The following SPTB variants were observed in gnomAD, a reference collection of about 807,000 sequenced individuals.
SPTB encodes the protein spectrin beta, erythrocytic.
A neutral mutation model predicts 256.2 loss-of-function variants in SPTB; 45 were observed. That is an observed-to-expected ratio of 0.18 (90% CI 0.14 to 0.23). The LOEUF (loss-of-function observed/expected upper bound fraction) is 0.23, where lower values mean the gene tolerates loss of function less well. SPTB is among the 10% of genes least tolerant of loss of function. The probability of loss-of-function intolerance (pLI) is 1.00; values close to 1 mark genes in which losing one functional copy is unlikely to be tolerated. For synonymous variants in SPTB, 1,231 were observed against 1,243.1 expected (o/e 0.99, Z 0.21); for missense variants, 2,715 against 3,040.4 (o/e 0.89, Z 2.52).
At chr14:64,811,366 C>T (rs117136588) in intron 2 of SPTB, among the ~76,000 whole-genome samples, 2,765 of 152,282 alleles carry the variant, frequency 0.018, 26 homozygotes, top group Non-Finnish European at 0.029. Flanking sequence ...CATGCACACA[C>T]GCACATGCAA....
At chr14:64,813,584 C>T (rs953555358) in intron 2 of SPTB, among the ~76,000 whole-genome samples, 2 of 152,182 alleles carry the variant, frequency 1.3e-5, no homozygotes, top group East Asian at 3.9e-4. Context: ...TGCAGTGGTG[C>T]GATCTTGGCT....
chr14:64,771,423 T>C (rs229594), intron 26 of SPTB, among the ~76,000 whole-genome samples: 46,839 of 152,138 alleles, frequency 0.31, 9,917 homozygotes, highest in African/African-American at 0.59. Context: ...CAGGCACTGT[T>C]CTAAACACTT....
chr14:64,775,603 G>C lies in SPTB; in HGVS notation c.4564-200C>G, dbSNP rs554270708. On this transcript the variant is annotated intron_variant, in intron 22 of 35. Transcript: ENST00000644917. The surrounding 1 kb of genome is among the most constrained non-coding windows in gnomAD (Gnocchi z 5.0). ...ATGTGCACCATTCTTGCACCCTCAG[G>C]TGGCCTGCTGAGATAAGCATGTGGA... 6.6e-6 allele frequency among the ~76,000 whole-genome samples: 1 copy of C among 152,352 alleles called. No homozygotes were observed. The highest frequency in any genetic ancestry group is 1.9e-4 in the East Asian group (1 of 5,188).
chr14:64,859,047 T>G (rs1594850464), intron 1 of SPTB, among the ~76,000 whole-genome samples: 1 of 151,942 alleles, frequency 6.6e-6, no homozygotes, highest in African/African-American at 2.4e-5. Context: ...GCACTTGAGG[T>G]CAGGAGTTCA....
At chr14:64,767,901 G>T in intron 29 of SPTB, 42 bp from the exon 30 acceptor site, 1 of 1,607,048 alleles carries the variant, frequency 6.2e-7, no homozygotes, top group Non-Finnish European at 8.5e-7. Context: ...CAAGGCCCAG[G>T]GCCTGTTAGC....
intron 20 of SPTB, among the ~76,000 whole-genome samples, chr14:64,780,655 T>C (rs8018785): frequency 0.34 from 51,609 of 151,728 alleles, 11,074 homozygotes; most frequent in African/African-American, 0.61. Context: ...TCAGGTGATC[T>C]GCCCACCTTG....
Position 64,767,949 on chromosome 14 carries a change from G to A in SPTB, c.6023-90C>T, listed in dbSNP as rs191579238. 27 of 1,481,226 alleles carry A rather than the reference G, an allele frequency of 1.8e-5. No homozygotes were observed. The East Asian group carries it at 5.8e-4, about 32-fold the overall frequency. The allele number at this position is 1,481,226 out of a possible 1,614,324, so 91.8% of individuals were successfully genotyped here. On this transcript the variant is annotated intron_variant, in intron 29 of 35. Coordinates refer to ENST00000644917, the MANE Select transcript of SPTB (RefSeq NM_001355436.2). ...ACTCCTGATTGGGGCCAGTGGTCAGGCAGGTGGCCTGAATAGGTGTCCCTA... is the reference window on the plus strand; with the variant it reads ...ACTCCTGATTGGGGCCAGTGGTCAGACAGGTGGCCTGAATAGGTGTCCCTA...
At position 64,805,031 on chromosome 14, in the gene SPTB, G is replaced by C; in HGVS notation, c.208C>G (p.Arg70Gly). Residue 70 changes from arginine to glycine, a missense_variant, in exon 3 of 36, where the codon CGA (arginine) becomes GGA (glycine). By Grantham distance (125) the Arg-to-Gly change is moderately radical. Transcript: ENST00000644917. ...AGATCGGTGATGCGGCAGGACACTC[G>C]AGCCAGGTGCGAGTTCACCCATTTC... Reference protein sequence around the residue: ...FTKWVNSHLARVSCRITDLYK... With the variant: ...FTKWVNSHLAGVSCRITDLYK... The C allele has an allele frequency of 6.2e-7, 1 of 1,613,626 alleles. No individual in the cohort carries two copies. Among genetic ancestry groups the C allele is most frequent in the South Asian group, 1.1e-5 (1 of 91,046 alleles).
chr14:64,870,533 CAATCTAA>C (rs1882468012), intron 1 of SPTB, among the ~76,000 whole-genome samples: 1 of 152,192 alleles, frequency 6.6e-6, no homozygotes, highest in Non-Finnish European at 1.5e-5. Flanking sequence ...TAAAAGTCTA[CAATCTAA>C]AAACAGGCAC....
At chr14:64,752,213 G>A (rs1448131110) in intron 33 of SPTB, 6 of 1,348,496 alleles carry the variant, frequency 4.4e-6, no homozygotes, top group African/African-American at 1.5e-5. Flanking sequence ...TCACTCACAC[G>A]TGGGAAGCAT....
chr14:64,795,314 CG>C lies in SPTB; in HGVS notation c.1644+22del. The C allele has an allele frequency of 6.2e-7, 1 of 1,601,044 alleles. No homozygotes were observed. On this transcript the variant is annotated intron_variant, in intron 12 of 35. Coordinates refer to ENST00000644917, the MANE Select transcript of SPTB (RefSeq NM_001355436.2). The surrounding 1 kb of genome is among the most constrained non-coding windows in gnomAD (Gnocchi z 6.5). The stretch of plus-strand genomic sequence containing the variant: ...CCAAGGTGAGCACTGCAGGGCATGG[CG>C]GGGGCGGCCCCCAGGGCCCACCTTG...
rs912132509 is a variant in SPTB, at chr14:64,774,601, C to T, written c.4843-74G>A. 109 of 1,547,740 alleles carry T rather than the reference C, an allele frequency of 7.0e-5. 1 individual carries two copies. In the South Asian group the frequency reaches 1.3e-3, roughly 18 times the overall value. Reference sequence around the variant, plus strand: ...CCTCCCTTGGCAAGTTGTGCCCCCACTCCTGGAGGTGCCCGAGGGAGGAGG... The same window carrying T: ...CCTCCCTTGGCAAGTTGTGCCCCCATTCCTGGAGGTGCCCGAGGGAGGAGG... On this transcript the variant is annotated intron_variant, in intron 23 of 35. Transcript: ENST00000644917.
intron 1 of SPTB, among the ~76,000 whole-genome samples, chr14:64,877,595 T>A (rs1392829591): frequency 6.6e-6 from 1 of 152,228 alleles, no homozygotes; most frequent in Admixed American, 6.5e-5. Flanking sequence ...GAGAAAACGC[T>A]GAGCATTCAT....
In SPTB at chr14:64,873,547, T is replaced by C. The variant is rs1882661287; in HGVS notation, c.-52+6245A>G. Among the ~76,000 whole-genome samples the C allele has an allele frequency of 2.0e-5, 3 of 152,238 alleles. No individual in the cohort carries two copies. Among genetic ancestry groups the C allele is most frequent in the South Asian group, 4.1e-4 (2 of 4,834 alleles). On this transcript the variant is annotated intron_variant, in intron 1 of 35. Coordinates refer to ENST00000644917, the MANE Select transcript of SPTB (RefSeq NM_001355436.2). The surrounding 1 kb of genome is among the most constrained non-coding windows in gnomAD (Gnocchi z 4.3). ...ATGCTACTGAGAATCCATTAATTCA[T>C]GCTTTGGAACAGCATCTGTGCATAC...
At chr14:64,835,617 T>A (rs994719179) in intron 1 of SPTB, among the ~76,000 whole-genome samples, 1 of 152,164 alleles carries the variant, frequency 6.6e-6, no homozygotes, top group African/African-American at 2.4e-5. Context: ...TAGAGTCGAT[T>A]CAGCCCTGTG....
At chr14:64,877,617 C>G (rs939486034) in intron 1 of SPTB, among the ~76,000 whole-genome samples, 3 of 152,144 alleles carry the variant, frequency 2.0e-5, no homozygotes, top group Non-Finnish European at 4.4e-5. Context: ...TGTTGGTTTC[C>G]TCATTCATTC....
At chr14:64,751,307 A>G (rs1201909570) in intron 33 of SPTB, among the ~76,000 whole-genome samples, 1 of 151,854 alleles carries the variant, frequency 6.6e-6, no homozygotes, top group Non-Finnish European at 1.5e-5. Flanking sequence ...TTTAGTAGGG[A>G]CAGGGTTTCA....
rs1490726834 is a variant in SPTB, at chr14:64,786,472, C to T, written c.3493G>A (p.Ala1165Thr). 8.1e-6 allele frequency: 13 copies of T among 1,613,992 alleles called. No individual in the cohort carries two copies. Among genetic ancestry groups the T allele is most frequent in the East Asian group, 4.5e-5 (2 of 44,868 alleles). ...AACTCCTGGAAGCCAAGGCACTGAG[C>T]GAGGGTGTGGCTGCGGCTCTCCCAC... ...RMWESRSHTL[A>T]QCLGFQEFQK... Residue 1165 changes from alanine to threonine, a missense_variant, in exon 16 of 36, where the codon GCT (alanine) becomes ACT (threonine). Physicochemically the swap from Ala to Thr is moderately conservative, Grantham distance 58. Transcript: ENST00000644917. This position sits in a 1 kb window ranked among gnomAD's most constrained non-coding sequence, Gnocchi z 5.6.
rs229671 is a variant in SPTB at position 64,816,007 on chromosome 14, G to A, written c.148+6940C>T. ...TGGGTAACAAGCTAGCTCAAACAGC[G>A]TCTTCTCTTTACCGGACTTCTGCAC... On this transcript the variant is annotated intron_variant, in intron 2 of 35. Transcript: ENST00000644917. This position sits in a 1 kb window ranked among gnomAD's most constrained non-coding sequence, Gnocchi z 4.2. Among the ~76,000 whole-genome samples, 223 of 152,310 alleles carry A rather than the reference G, an allele frequency of 1.5e-3. No homozygotes were observed. Among genetic ancestry groups the A allele is most frequent in the African/African-American group, 4.9e-3 (205 of 41,560 alleles).
Sources: gnomAD v4.1 joint callset for allele counts (sites outside exome capture counted in the v4.1 genomes callset) on GRCh38, gnomAD v4.1.1 for gene constraint, Gnocchi (gnomAD v3.1) non-coding constraint, MANE v1.5 for transcripts, NCBI Gene and HGNC (gene_info 2026-07-23, HGNC 2026-07-21) for gene names.